NIPA1: variants seen among roughly 807,000 people sequenced by gnomAD.
The protein encoded by NIPA1 is NIPA magnesium transporter 1.
NIPA1 carries 13 observed loss-of-function variants against 23.9 expected under a neutral mutation model. The ratio of observed to expected loss-of-function variants is 0.54; its 90% CI spans 0.35 to 0.87. NIPA1 has a LOEUF of 0.87. Ranked by LOEUF, NIPA1 falls within the 40% of genes least tolerant of loss-of-function variation. The probability of loss-of-function intolerance (pLI) is 0.01; values close to 1 mark genes in which losing one functional copy is unlikely to be tolerated. For missense variants in NIPA1, 362 were observed against 429.7 expected (o/e 0.84, Z 1.39); for synonymous variants, 234 against 202.9 (o/e 1.15, Z -1.30).
intron 1 of NIPA1, among the ~76,000 whole-genome samples, chr15:22,789,100 C>G (rs930757911): frequency 2.0e-5 from 3 of 151,088 alleles, no homozygotes; most frequent in Non-Finnish European, 3.0e-5. Context: ...TCAAGCGATT[C>G]GCCTGCCACA....
Position 22,829,292 on chromosome 15 carries a change from G to A in NIPA1, c.*5053G>A, listed in dbSNP as rs1895708844. The stretch of plus-strand genomic sequence containing the variant: ...TGTAATAAATGACGCTGAACTTCCT[G>A]CTTCCAAGCAGCTCAACCCTGATGC... On this transcript the variant is annotated 3_prime_UTR_variant, in exon 5 of 5. Transcript: ENST00000337435. 1 of 152,160 alleles carries A rather than the reference G, an allele frequency of 6.6e-6. No homozygotes were observed. The highest frequency in any genetic ancestry group is 2.4e-5 in the African/African-American group (1 of 41,422). 9.4% of individuals were successfully genotyped at this position (152,160 alleles called of 1,614,324 possible).
At chr15:22,788,040 C>T (rs760066762) in intron 1 of NIPA1, among the ~76,000 whole-genome samples, 1 of 152,130 alleles carries the variant, frequency 6.6e-6, no homozygotes, top group Non-Finnish European at 1.5e-5. Context: ...TACACACACA[C>T]CGCAGCCACA....
intron 1 of NIPA1, among the ~76,000 whole-genome samples, chr15:22,794,633 T>C (rs888801369): frequency 6.6e-6 from 1 of 151,810 alleles, no homozygotes; most frequent in African/African-American, 2.4e-5. Flanking sequence ...CTCGTGAGAG[T>C]GTAAACTGAG....
intron 1 of NIPA1, among the ~76,000 whole-genome samples, chr15:22,795,196 G>A (rs909844798): frequency 2.6e-5 from 4 of 152,116 alleles, no homozygotes; most frequent in African/African-American, 9.7e-5. Context: ...ACTGATATAG[G>A]CATGGTGAGA....
At chr15:22,789,937 G>A (rs1432454980) in intron 1 of NIPA1, among the ~76,000 whole-genome samples, 1 of 152,070 alleles carries the variant, frequency 6.6e-6, no homozygotes, top group African/African-American at 2.4e-5. Flanking sequence ...TGGGATTACA[G>A]GTACACGCTA....
chr15:22,820,524 A>T (rs1484868239), intron 4 of NIPA1, 51 bp downstream of exon 4: 1 of 1,403,310 alleles, frequency 7.1e-7, no homozygotes, highest in Admixed American at 1.7e-5. Context: ...AGGAGTGCCA[A>T]CTTTTTTAAC....
chr15:22,817,813 A>G (rs1234740611), intron 3 of NIPA1, among the ~76,000 whole-genome samples: 4 of 152,154 alleles, frequency 2.6e-5, no homozygotes, highest in South Asian at 2.1e-4. Flanking sequence ...TCAAAGAAAA[A>G]AAAAAAAAAT....
rs145430613 is a variant in NIPA1, at chr15:22,812,836, G to T, written c.317+583G>T. 5.9e-5 allele frequency among the ~76,000 whole-genome samples: 9 copies of T among 152,178 alleles called. No homozygotes were observed. In the East Asian group the frequency reaches 1.7e-3, roughly 29 times the overall value. On this transcript the variant is annotated intron_variant, in intron 3 of 4. Transcript: ENST00000337435. ...TCATTCTCCTGGTCGTTGTCCTGGA[G>T]TACATCTTAGAGACTAGAGAGTCTT...
intron 1 of NIPA1, among the ~76,000 whole-genome samples, chr15:22,797,533 G>GT (rs1245158453): frequency 2.3e-5 from 3 of 132,714 alleles, no homozygotes; most frequent in Admixed American, 1.6e-4. Flanking sequence ...TTGAGATGGA[G>GT]TTTTGCTCGT....
chr15:22,786,479 G>A (rs1022249147), upstream of NIPA1, among the ~76,000 whole-genome samples: 2 of 151,170 alleles, frequency 1.3e-5, no homozygotes, highest in African/African-American at 2.4e-5. Flanking sequence ...CGGCGCCACT[G>A]CTGTCCCCGC....
intron 1 of NIPA1, among the ~76,000 whole-genome samples, chr15:22,792,394 T>C (rs924552391): frequency 2.6e-5 from 4 of 151,888 alleles, no homozygotes; most frequent in Non-Finnish European, 5.9e-5. Flanking sequence ...AGTCTCGCTC[T>C]GTTGCCCAGG....
Position 22,786,677 on chromosome 15 carries a change from A to T in NIPA1, c.21A>T (p.Ala7=), listed in dbSNP as rs749414711. Residue 7 remains alanine (A), a synonymous_variant, in exon 1 of 5, where the codon GCA becomes GCT. Coordinates refer to ENST00000337435, the MANE Select transcript of NIPA1 (RefSeq NM_144599.5). MGTAAA[A]AAAAAAAAAG... is the part of the protein sequence containing the mutation. ...GCGGAATGGGGACTGCAGCTGCGGC[A>T]GCGGCGGCGGCGGCGGCGGCGGCGG... The T allele has an allele frequency of 9.3e-7, 1 of 1,071,326 alleles. No individual in the cohort carries two copies. Among genetic ancestry groups the T allele is most frequent in the Non-Finnish European group, 1.1e-6 (1 of 886,078 alleles). 66.4% of individuals were successfully genotyped at this position (1,071,326 alleles called of 1,614,324 possible).
intron 1 of NIPA1, among the ~76,000 whole-genome samples, chr15:22,799,394 A>G: frequency 6.6e-6 from 1 of 152,174 alleles, no homozygotes; most frequent in East Asian, 1.9e-4. Context: ...AATAGTTTGT[A>G]ATCCCAGTAA....
chr15:22,800,926 G>A lies in NIPA1; in HGVS notation c.179-9823G>A, dbSNP rs571942628. Among the ~76,000 whole-genome samples, 11 of 113,932 alleles carry A rather than the reference G, an allele frequency of 9.7e-5. No individual in the cohort carries two copies. In the South Asian group the frequency reaches 1.2e-3, roughly 13 times the overall value. 74.7% of individuals were successfully genotyped at this position (113,932 alleles called of 152,430 possible). On this transcript the variant is annotated intron_variant, in intron 1 of 4. Coordinates refer to ENST00000337435, the MANE Select transcript of NIPA1 (RefSeq NM_144599.5). ...AGCCTGGGCGACAGTGCGAGACTCC[G>A]TCTCAAAAAAAAAAAAAGAAAAAAA...
In NIPA1 at chr15:22,824,681, TGTTA is replaced by T. The variant is rs1895614287; in HGVS notation, c.*446_*449del. ...TGTACAGTGAATGTGTCTGTAGTTG[TGTTA>T]GTTTGCATTAAGCATGTATAACATT... On this transcript the variant is annotated 3_prime_UTR_variant, in exon 5 of 5. Coordinates refer to ENST00000337435, the MANE Select transcript of NIPA1 (RefSeq NM_144599.5). The surrounding 1 kb of genome is among the most constrained non-coding windows in gnomAD (Gnocchi z 4.1). 1.5e-5 allele frequency: 3 copies of T among 198,768 alleles called. No homozygotes were observed. Among genetic ancestry groups the T allele is most frequent in the African/African-American group, 4.7e-5 (2 of 42,810 alleles). The allele number at this position is 198,768 out of a possible 1,614,324, so 12.3% of individuals were successfully genotyped here. A position where few individuals can be genotyped will look rare whatever the true frequency, so the allele number is the denominator to read the frequency against.
Position 22,824,096 on chromosome 15 carries a change from T to G in NIPA1, c.847T>G (p.Trp283Gly). The G allele has an allele frequency of 6.2e-7, 1 of 1,614,000 alleles. No individual in the cohort carries two copies. The highest frequency in any genetic ancestry group is 2.2e-5 in the East Asian group (1 of 44,868). ...GGCCTCAGCCATCCTCTTCCGGGAG[T>G]GGAGCAACGTGGGCCTGGTGGACTT... ...LLASAILFREWSNVGLVDFLG... is the reference protein window; with the variant it reads ...LLASAILFREGSNVGLVDFLG... Residue 283 changes from tryptophan (W) to glycine (G), a missense_variant, in exon 5 of 5, where the codon TGG becomes GGG. Physicochemically the swap from Trp to Gly is radical, Grantham distance 184 (BLOSUM62 -2). Coordinates refer to ENST00000337435, the MANE Select transcript of NIPA1 (RefSeq NM_144599.5). The surrounding 1 kb of genome is among the most constrained non-coding windows in gnomAD (Gnocchi z 4.1).
chr15:22,824,645 AACTCTGGC>A lies in NIPA1; in HGVS notation c.*410_*417del, dbSNP rs1311778584. 1 of 275,640 alleles carries A rather than the reference AACTCTGGC, an allele frequency of 3.6e-6. No homozygotes were observed. The highest frequency in any genetic ancestry group is 2.2e-5 in the African/African-American group (1 of 44,968). The allele number at this position is 275,640 out of a possible 1,614,324, so 17.1% of individuals were successfully genotyped here. ...TTGGGAATGAGAGATTGTTGTCTTGAACTCTGGCACTGTACAGTGAATGTGTCTGTAGT... is the reference window on the plus strand; with the variant it reads ...TTGGGAATGAGAGATTGTTGTCTTGAACTGTACAGTGAATGTGTCTGTAGT... On this transcript the variant is annotated 3_prime_UTR_variant, in exon 5 of 5. Coordinates refer to ENST00000337435, the MANE Select transcript of NIPA1 (RefSeq NM_144599.5). This position sits in a 1 kb window ranked among gnomAD's most constrained non-coding sequence, Gnocchi z 4.1.
In NIPA1 at chr15:22,792,720, G is replaced by A. The variant is rs188391349; in HGVS notation, c.178+5886G>A. Among the ~76,000 whole-genome samples, 218 of 152,212 alleles carry A rather than the reference G, an allele frequency of 1.4e-3. 2 individuals are homozygous for A. Among genetic ancestry groups the A allele is most frequent in the African/African-American group, 4.9e-3 (205 of 41,550 alleles). ...TGTAATCCCAGCACTTTAGGAGGCC[G>A]AGGCAGGTGGATCGCCTGAGGTCAG... On this transcript the variant is annotated intron_variant, in intron 1 of 4. Transcript: ENST00000337435.
rs1029146697 is a variant in NIPA1, at chr15:22,827,037, T to C, written c.*2798T>C. On this transcript the variant is annotated 3_prime_UTR_variant, in exon 5 of 5. Transcript: ENST00000337435. ...GAACTTTGGGGGAGGGCCTAGAACATGGATAGATCTCTTAGTGGTCTTTCC... is the reference window on the plus strand; with the variant it reads ...GAACTTTGGGGGAGGGCCTAGAACACGGATAGATCTCTTAGTGGTCTTTCC... 1 of 152,014 alleles carries C rather than the reference T, an allele frequency of 6.6e-6. No individual in the cohort carries two copies. The highest frequency in any genetic ancestry group is 1.5e-5 in the Non-Finnish European group (1 of 68,022). 9.4% of individuals were successfully genotyped at this position (152,014 alleles called of 1,614,324 possible).
Sources: allele counts gnomAD v4.1 joint callset (sites outside exome capture counted in the v4.1 genomes callset), GRCh38; gene constraint gnomAD v4.1.1; non-coding constraint Gnocchi (gnomAD v3.1); transcripts MANE v1.5; gene names NCBI Gene and HGNC (gene_info 2026-07-23, HGNC 2026-07-21).